PALM2AKAP2: variants seen among roughly 807,000 people sequenced by gnomAD.
PALM2AKAP2 encodes the protein PALM2 and AKAP2 fusion.
A neutral mutation model predicts 71.5 loss-of-function variants in PALM2AKAP2; 37 were observed. That is an observed-to-expected ratio of 0.52 (90% CI 0.40 to 0.68). The LOEUF is 0.68. Ranked by LOEUF, PALM2AKAP2 falls within the 30% of genes least tolerant of loss-of-function variation. PALM2AKAP2 has a pLI of 0.00. For synonymous variants in PALM2AKAP2, 468 were observed against 478.8 expected (o/e 0.98, Z 0.29); for missense variants, 1,224 against 1,191.8 (o/e 1.03, Z -0.40).
chr9:109,820,027 A>G (rs1357852899), intron 1 of PALM2AKAP2, among the ~76,000 whole-genome samples: 1 of 152,216 alleles, frequency 6.6e-6, no homozygotes, highest in African/African-American at 2.4e-5. Context: ...TACAAGTAGT[A>G]AAATAGATCA....
chr9:109,792,385 C>A (rs1392979914), intron 1 of PALM2AKAP2, among the ~76,000 whole-genome samples: 1 of 152,220 alleles, frequency 6.6e-6, no homozygotes, highest in East Asian at 1.9e-4. Context: ...CCTCAGCTTC[C>A]TAAGTAGCTG....
chr9:109,850,149 T>C (rs1828971474), intron 1 of PALM2AKAP2, among the ~76,000 whole-genome samples: 1 of 152,182 alleles, frequency 6.6e-6, no homozygotes. Flanking sequence ...TGGAGATGGA[T>C]GCAGGATCTG....
chr9:110,037,568 A>G (rs1372990834), intron 7 of PALM2AKAP2, among the ~76,000 whole-genome samples: 1 of 152,220 alleles, frequency 6.6e-6, no homozygotes, highest in Non-Finnish European at 1.5e-5. Flanking sequence ...AGAAATTAAC[A>G]AAAGAGACCA....
At chr9:109,850,959 C>T (rs938590114) in intron 1 of PALM2AKAP2, among the ~76,000 whole-genome samples, 2 of 151,956 alleles carry the variant, frequency 1.3e-5, no homozygotes, top group East Asian at 3.9e-4. Context: ...GGGCGGATCA[C>T]GAGGTCAGGA....
rs1404786316 is a variant in PALM2AKAP2, at chr9:109,924,105, C to T, written c.372+256C>T. Among the ~76,000 whole-genome samples the T allele has an allele frequency of 3.9e-5, 6 of 152,172 alleles. No homozygotes were observed. In the South Asian group the frequency reaches 6.2e-4, roughly 16 times the overall value. ...TAGATTACCCCATCTGCCTGCTCTC[C>T]GGATCCCTGATATGCCTTGTGCCTG... is the stretch of plus-strand genomic sequence containing the variant. On this transcript the variant is annotated intron_variant, in intron 4 of 9. Transcript: ENST00000302798.
At chr9:109,799,225 C>T (rs1004274173) in intron 1 of PALM2AKAP2, among the ~76,000 whole-genome samples, 2 of 152,176 alleles carry the variant, frequency 1.3e-5, no homozygotes, top group Admixed American at 6.5e-5. Context: ...CAGCGTGGCT[C>T]GTGGATGTTG....
intron 7 of PALM2AKAP2, among the ~76,000 whole-genome samples, chr9:110,035,300 A>T (rs897705813): frequency 6.8e-6 from 1 of 146,158 alleles, no homozygotes; most frequent in Non-Finnish European, 1.5e-5. Flanking sequence ...ACATATGTAT[A>T]ATACATATTA....
At chr9:110,141,096 A>G (rs933108382) in intron 2 of PALM2AKAP2, among the ~76,000 whole-genome samples, 2 of 152,202 alleles carry the variant, frequency 1.3e-5, no homozygotes, top group Non-Finnish European at 2.9e-5. Flanking sequence ...ACTGTCTAAT[A>G]TAAAGACATT....
At chr9:110,024,584 G>A (rs1332840664) in intron 7 of PALM2AKAP2, among the ~76,000 whole-genome samples, 1 of 152,132 alleles carries the variant, frequency 6.6e-6, no homozygotes, top group African/African-American at 2.4e-5. Flanking sequence ...AGGAGTTGGA[G>A]ACCAGCCTGG....
At chr9:109,673,093 T>C (rs908340826) in intron 1 of PALM2AKAP2, among the ~76,000 whole-genome samples, 10 of 152,142 alleles carry the variant, frequency 6.6e-5, no homozygotes, top group Non-Finnish European at 1.2e-4. Context: ...CGTGTGTGTG[T>C]GTCTCAATCT....
chr9:110,095,385 A>C (rs1226401599), intron 1 of PALM2AKAP2, among the ~76,000 whole-genome samples: 1 of 152,150 alleles, frequency 6.6e-6, no homozygotes, highest in Non-Finnish European at 1.5e-5. Flanking sequence ...TGCTTTGCAC[A>C]ATCTTGCTAG....
chr9:110,157,681 T>C (rs1337549934), intron 3 of PALM2AKAP2, among the ~76,000 whole-genome samples: 1 of 152,136 alleles, frequency 6.6e-6, no homozygotes, highest in Non-Finnish European at 1.5e-5. Context: ...ATTACAGACA[T>C]GAGCCACTGC....
At chr9:110,064,477 C>T (rs985964158) in intron 1 of PALM2AKAP2, among the ~76,000 whole-genome samples, 3 of 152,182 alleles carry the variant, frequency 2.0e-5, no homozygotes, top group African/African-American at 7.2e-5. Flanking sequence ...AACGATGGCT[C>T]ACGCCTGTAA....
At chr9:109,831,142 T>TAC (rs111681992) in intron 1 of PALM2AKAP2, among the ~76,000 whole-genome samples, 8,265 of 134,966 alleles carry the variant, frequency 0.061, 278 homozygotes, top group African/African-American at 0.09. Flanking sequence ...ATACTTCCCC[T>TAC]ACACACACAC....
At chr9:110,048,670 A>C (rs956528748), upstream of PALM2AKAP2, 4 of 1,497,958 alleles carry the variant, frequency 2.7e-6, no homozygotes, top group Admixed American at 8.6e-5. Context: ...CCCGCCCTCC[A>C]GCGCGCCCGG....
intron 2 of PALM2AKAP2, among the ~76,000 whole-genome samples, chr9:110,152,485 T>A (rs1836344186): frequency 6.6e-6 from 1 of 151,990 alleles, no homozygotes; most frequent in Admixed American, 6.6e-5. Flanking sequence ...CCATCATGGT[T>A]TGGGGAGTCT....
At chr9:109,806,359 G>T (rs967694456) in intron 1 of PALM2AKAP2, among the ~76,000 whole-genome samples, 1 of 152,170 alleles carries the variant, frequency 6.6e-6, no homozygotes, top group Non-Finnish European at 1.5e-5. Flanking sequence ...ATTCAGCCAA[G>T]AAATATTTTT....
At chr9:109,910,072 G>A (rs937670804) in intron 3 of PALM2AKAP2, among the ~76,000 whole-genome samples, 5 of 152,194 alleles carry the variant, frequency 3.3e-5, no homozygotes, top group African/African-American at 1.2e-4. Flanking sequence ...AAGAGAAGCA[G>A]CTATGAAAAG....
At chr9:109,661,070 G>A (rs1201990811) in intron 1 of PALM2AKAP2, among the ~76,000 whole-genome samples, 2 of 152,146 alleles carry the variant, frequency 1.3e-5, no homozygotes, top group Non-Finnish European at 2.9e-5. Context: ...TTAGCCCTTT[G>A]TCAGATGGGT....
Sources: gnomAD v4.1 joint callset for allele counts (sites outside exome capture counted in the v4.1 genomes callset) on GRCh38, gnomAD v4.1.1 for gene constraint, MANE v1.5 for transcripts, NCBI Gene and HGNC (gene_info 2026-07-23, HGNC 2026-07-21) for gene names.